The following CWF19L1 variants were observed in gnomAD, a reference collection of about 807,000 sequenced individuals.
CWF19L1 encodes CWF19-like protein 1.
A neutral mutation model predicts 69.7 loss-of-function variants in CWF19L1; 60 were observed. The observed-to-expected ratio is 0.86, with a 90% CI of 0.70 to 1.07. The LOEUF (loss-of-function observed/expected upper bound fraction) is 1.07. Ranked by LOEUF, CWF19L1 falls within the 50% of genes least tolerant of loss-of-function variation. CWF19L1 has a pLI of 0.00. For synonymous variants in CWF19L1, 209 were observed against 222.2 expected (o/e 0.94, Z 0.53); for missense variants, 591 against 638.9 (o/e 0.92, Z 0.81).
At chr10:100,250,474 A>C (rs1366083309) in intron 6 of CWF19L1, 142 bp from the exon 7 acceptor site, 2 of 632,968 alleles carry the variant, frequency 3.2e-6, no homozygotes, top group African/African-American at 3.7e-5. Flanking sequence ...CAGATAAGTT[A>C]CTATCTATCC....
At chr10:100,267,190 A>G (rs1311402790) in intron 1 of CWF19L1, among the ~76,000 whole-genome samples, 2 of 133,972 alleles carry the variant, frequency 1.5e-5, no homozygotes, top group Non-Finnish European at 3.0e-5. Flanking sequence ...AAGGGTCCCT[A>G]TCTACTCTGT....
At chr10:100,249,736 C>A (rs1589622034) in intron 7 of CWF19L1, among the ~76,000 whole-genome samples, 1 of 152,160 alleles carries the variant, frequency 6.6e-6, no homozygotes. Flanking sequence ...AGGTGCCCCC[C>A]ACCACACCTG....
Position 100,233,194 on chromosome 10 carries a change from C to T in CWF19L1, c.*33G>A, listed in dbSNP as rs771805833. 2.5e-5 allele frequency: 39 copies of T among 1,565,892 alleles called. No individual in the cohort carries two copies. The Admixed American group carries it at 7.6e-4, about 31-fold the overall frequency. ...AAAAAAAAAAAAGCTTTACTACTTC[C>T]TGTGGAGTTCATAAAAAGTTCTTCC... On this transcript the variant is annotated 3_prime_UTR_variant, in exon 14 of 14. Transcript: ENST00000354105.
In CWF19L1 at chr10:100,252,251, C is replaced by T. The variant is rs184370870; in HGVS notation, c.623+1170G>A. ...GAGATCGAGACCATCCTGGCTAACACGGTGAAACCCTGTCTCTACTAAAAA... is the reference window on the plus strand; with the variant it reads ...GAGATCGAGACCATCCTGGCTAACATGGTGAAACCCTGTCTCTACTAAAAA... On this transcript the variant is annotated intron_variant, in intron 6 of 13. Transcript: ENST00000354105. Among the ~76,000 whole-genome samples, 49 of 152,154 alleles carry T rather than the reference C, an allele frequency of 3.2e-4. No individual in the cohort carries two copies. The East Asian group carries it at 8.3e-3, about 26-fold the overall frequency.
At chr10:100,248,933 A>T (rs1354808260) in intron 7 of CWF19L1, 1 of 820,452 alleles carries the variant, frequency 1.2e-6, no homozygotes, top group Non-Finnish European at 2.1e-6. Flanking sequence ...CTGATCGCCA[A>T]CTCACTGGCC....
chr10:100,236,101 C>CTTTT lies in CWF19L1; in HGVS notation c.1375-341_1375-338dup, dbSNP rs781285945. The stretch of plus-strand genomic sequence containing the variant: ...TCTAGTTCCAAATTGTCCACTGCCT[C>CTTTT]TTTTTTTTTTTTTTTTTTTTAGAGA... On this transcript the variant is annotated intron_variant, in intron 12 of 13. Coordinates refer to ENST00000354105, the MANE Select transcript of CWF19L1 (RefSeq NM_018294.6). Among the ~76,000 whole-genome samples, 28 of 131,354 alleles carry CTTTT rather than the reference C, an allele frequency of 2.1e-4. 1 individual carries two copies. The highest frequency in any genetic ancestry group is 7.4e-4 in the South Asian group (3 of 4,032). The allele number at this position is 131,354 out of a possible 152,430, so 86.2% of individuals were successfully genotyped here.
rs1204486687 is a variant in CWF19L1 at position 100,248,580 on chromosome 10, C to T, written c.709-1645G>A. 4.1e-6 allele frequency: 3 copies of T among 734,756 alleles called. No homozygotes were observed. In the African/African-American group the frequency reaches 5.1e-5, roughly 13 times the overall value. 45.5% of individuals were successfully genotyped at this position (734,756 alleles called of 1,614,324 possible). On this transcript the variant is annotated intron_variant, in intron 7 of 13. Transcript: ENST00000354105. Reference sequence around the variant, plus strand: ...CTAGCCAGCTTCCTCGCATCTTGACCAGCATTGAAGAGGATTATGATAAGC... The same window carrying T: ...CTAGCCAGCTTCCTCGCATCTTGACTAGCATTGAAGAGGATTATGATAAGC...
chr10:100,239,222 T>G (rs2134279597), intron 10 of CWF19L1, among the ~76,000 whole-genome samples: 1 of 152,266 alleles, frequency 6.6e-6, no homozygotes, highest in South Asian at 2.1e-4. Context: ...CTAAAAATAT[T>G]TCTGTAAAAA....
At chr10:100,242,102 GA>G (rs1846656593) in intron 10 of CWF19L1, among the ~76,000 whole-genome samples, 1 of 152,172 alleles carries the variant, frequency 6.6e-6, no homozygotes, top group Admixed American at 6.5e-5. Context: ...GGGGAAATGT[GA>G]AATAGAATGA....
intron 12 of CWF19L1, 151 bp downstream of exon 12, chr10:100,236,699 G>A (rs1205535935): frequency 6.2e-6 from 5 of 801,532 alleles, no homozygotes; most frequent in Admixed American, 5.9e-5. Flanking sequence ...GAACCCGGAA[G>A]GCGGAGGTTG....
rs1847385277 is a variant in CWF19L1 at position 100,261,105 on chromosome 10, AT to A, written c.109-62del. 5.4e-5 allele frequency: 58 copies of A among 1,080,882 alleles called. No homozygotes were observed. The South Asian group carries it at 7.5e-4, about 14-fold the overall frequency. 67.0% of individuals were successfully genotyped at this position (1,080,882 alleles called of 1,614,324 possible). On this transcript the variant is annotated intron_variant, in intron 2 of 13. Transcript: ENST00000354105. ...TAAAATATCAAACAGTACATAATTGATAGTAATATTCAACTAGTTATTTAAT... is the reference window on the plus strand; with the variant it reads ...TAAAATATCAAACAGTACATAATTGAAGTAATATTCAACTAGTTATTTAAT...
Position 100,238,233 on chromosome 10 carries a change from TGAA to T in CWF19L1, c.1045-5_1045-3del. ...TCCTTTGGCCAGGGCAAGGTAGCACTGAAGAAGCAGCACACAGAATTGAGACAT... is the reference window on the plus strand; with the variant it reads ...TCCTTTGGCCAGGGCAAGGTAGCACTGAAGCAGCACACAGAATTGAGACAT... On this transcript the variant is annotated splice_polypyrimidine_tract_variant and splice_region_variant and intron_variant, in intron 10 of 13. Coordinates refer to ENST00000354105, the MANE Select transcript of CWF19L1 (RefSeq NM_018294.6). 1.2e-6 allele frequency: 2 copies of T among 1,613,980 alleles called. No individual in the cohort carries two copies. The highest frequency in any genetic ancestry group is 1.7e-6 in the Non-Finnish European group (2 of 1,179,872).
rs769036891 is a variant in CWF19L1 at position 100,262,050 on chromosome 10, C to T, written c.37G>A (p.Asp13Asn). The T allele has an allele frequency of 1.2e-6, 2 of 1,610,004 alleles. No homozygotes were observed. Among genetic ancestry groups the T allele is most frequent in the African/African-American group, 1.3e-5 (1 of 74,752 alleles). The change falls in exon 2 of 14, where the codon GAT (aspartate) becomes AAT (asparagine). Residue 13 changes from aspartate to asparagine, a missense_variant. By Grantham distance (23) the Asp-to-Asn change is conservative. Transcript: ENST00000354105. ...QKPLRLLACG[D>N]VEGKFDILFN... ...AAAATATCAAACTTTCCTTCAACAT[C>T]TCCACAAGCCAAGCTGCAAACAAAG...
intron 5 of CWF19L1, chr10:100,254,276 A>G (rs1469503551): frequency 6.6e-6 from 1 of 152,264 alleles, no homozygotes; most frequent in Non-Finnish European, 1.5e-5. Context: ...GGATCCACAG[A>G]ATATCTGGTA....
intron 8 of CWF19L1, 150 bp downstream of exon 8, chr10:100,246,645 C>T (rs2281949): frequency 0.11 from 90,582 of 804,720 alleles, 10,974 homozygotes; most frequent in African/African-American, 0.53. Context: ...CTAAGCTTAG[C>T]TGAAATCTAC....
chr10:100,239,002 C>T (rs1421393262), intron 10 of CWF19L1, among the ~76,000 whole-genome samples: 4 of 151,098 alleles, frequency 2.6e-5, no homozygotes, highest in Non-Finnish European at 5.9e-5. Context: ...CCCCCACCCC[C>T]GAATATACTC....
chr10:100,240,893 C>G (rs1435823661), intron 10 of CWF19L1, among the ~76,000 whole-genome samples: 1 of 150,680 alleles, frequency 6.6e-6, no homozygotes, highest in Non-Finnish European at 1.5e-5. Context: ...CAAGTTTGCT[C>G]TTATTCCACT....
chr10:100,256,889 A>G (rs1847230384), intron 4 of CWF19L1, among the ~76,000 whole-genome samples: 1 of 152,220 alleles, frequency 6.6e-6, no homozygotes, highest in African/African-American at 2.4e-5. Context: ...CAGTCTAGAA[A>G]AGATGCACAT....
At chr10:100,248,570 G>T in intron 7 of CWF19L1, 2 of 729,876 alleles carry the variant, frequency 2.7e-6, no homozygotes, top group Non-Finnish European at 5.0e-6. Context: ...CAGCTTCCTC[G>T]CATCTTGACC....
Sources: gnomAD v4.1 joint callset for allele counts (sites outside exome capture counted in the v4.1 genomes callset) on GRCh38, gnomAD v4.1.1 for gene constraint, MANE v1.5 for transcripts, NCBI Gene and HGNC (gene_info 2026-07-23, HGNC 2026-07-21) for gene names.